The following LCORL variants were observed in gnomAD, a reference collection of about 807,000 sequenced individuals.
LCORL encodes the protein ligand dependent nuclear receptor corepressor like, also known as ligand-dependent nuclear receptor corepressor-like protein.
In LCORL, 41 loss-of-function variants were observed where a neutral mutation model predicts 141.8. The observed-to-expected ratio is 0.29, with a 90% CI of 0.23 to 0.38. The LOEUF (loss-of-function observed/expected upper bound fraction) is 0.38. Among genes scored for constraint, LCORL ranks in the 10% least tolerant of loss-of-function variants. The pLI is 1.00. For missense variants in LCORL, 1,759 were observed against 2,035.0 expected (o/e 0.86, Z 2.61); for synonymous variants, 618 against 694.1 (o/e 0.89, Z 1.72).
intron 4 of LCORL, among the ~76,000 whole-genome samples, chr4:17,910,849 A>G (rs1443859523): frequency 6.6e-6 from 1 of 152,224 alleles, no homozygotes; most frequent in Non-Finnish European, 1.5e-5. Context: ...TTCAAAACAA[A>G]TAATTTTGAA....
chr4:17,925,742 G>A (rs1448529506), intron 4 of LCORL, among the ~76,000 whole-genome samples: 5 of 151,810 alleles, frequency 3.3e-5, no homozygotes, highest in African/African-American at 7.3e-5. Flanking sequence ...GTGGTGGCAC[G>A]CACCTGTAAT....
At position 18,018,563 on chromosome 4, in the gene LCORL, T is replaced by C. The variant is rs1005483830; in HGVS notation, c.154+3035A>G. ...TAAATATCTCATTCCATATTAAGAG[T>C]TAAACGTTTACCTTTGTGGCTAACT... On this transcript the variant is annotated intron_variant, in intron 1 of 7. Coordinates refer to ENST00000635767, the Ensembl canonical transcript of LCORL. Among the ~76,000 whole-genome samples, 22 of 152,162 alleles carry C rather than the reference T, an allele frequency of 1.4e-4. 1 individual carries two copies. Among genetic ancestry groups the C allele is most frequent in the African/African-American group, 4.6e-4 (19 of 41,552 alleles).
chr4:17,992,478 T>G (rs368264019), intron 1 of LCORL, among the ~76,000 whole-genome samples: 244 of 152,326 alleles, frequency 1.6e-3, no homozygotes, highest in African/African-American at 5.6e-3. Flanking sequence ...GGCTACAAAT[T>G]TAATGCTGTG....
exon 7 of LCORL, chr4:17,877,352 A>T (rs1004388052): frequency 1.3e-5 from 16 of 1,230,358 alleles, no homozygotes; most frequent in African/African-American, 1.6e-5. Context: ...GGCTTGTCAT[A>T]TCCGTGGTTT....
chr4:17,993,397 G>A (rs1720365834), intron 1 of LCORL, among the ~76,000 whole-genome samples: 1 of 151,900 alleles, frequency 6.6e-6, no homozygotes, highest in Non-Finnish European at 1.5e-5. Flanking sequence ...GTAGAAGCGG[G>A]TTTCATCATG....
chr4:17,929,333 G>T (rs922388469), intron 4 of LCORL, among the ~76,000 whole-genome samples: 2 of 152,024 alleles, frequency 1.3e-5, no homozygotes, highest in Non-Finnish European at 2.9e-5. Context: ...AAATAATCTC[G>T]AAAGAGAACA....
At chr4:17,991,842 T>C (rs1052601160) in intron 1 of LCORL, among the ~76,000 whole-genome samples, 2 of 152,060 alleles carry the variant, frequency 1.3e-5, no homozygotes, top group Admixed American at 6.6e-5. Flanking sequence ...GCTAATACCA[T>C]ATCTGAAGCC....
At position 18,021,012 on chromosome 4, in the gene LCORL, G is replaced by T. The variant is rs1261642249; in HGVS notation, c.154+586C>A. ...GTTGGGCGCCCCCCGCCCCTCGGAC[G>T]ACGCCCCCGCCGCCCCTCGCCCCCA... On this transcript the variant is annotated intron_variant, in intron 1 of 7. Transcript: ENST00000635767. This position sits in a 1 kb window ranked among gnomAD's most constrained non-coding sequence, Gnocchi z 5.5. 2.0e-5 allele frequency among the ~76,000 whole-genome samples: 3 copies of T among 152,022 alleles called. No individual in the cohort carries two copies. Among genetic ancestry groups the T allele is most frequent in the Non-Finnish European group, 4.4e-5 (3 of 67,950 alleles).
chr4:18,005,846 C>T (rs1722714738), intron 1 of LCORL, among the ~76,000 whole-genome samples: 1 of 152,198 alleles, frequency 6.6e-6, no homozygotes, highest in East Asian at 1.9e-4. Flanking sequence ...TCCTCCTAGG[C>T]CTCTGGGCCT....
chr4:18,021,160 GC>G lies in LCORL; in HGVS notation c.154+437del, dbSNP rs1725497251. Among the ~76,000 whole-genome samples the G allele has an allele frequency of 6.6e-6, 1 of 152,002 alleles. No homozygotes were observed. The highest frequency in any genetic ancestry group is 2.1e-4 in the South Asian group (1 of 4,836). ...CGACAAGGGGGTGTGTGTGCGCTCG[GC>G]GGGGGCGCGGACCAGCCCGCCTTCC... On this transcript the variant is annotated intron_variant, in intron 1 of 7. Coordinates refer to ENST00000635767, the Ensembl canonical transcript of LCORL. This position sits in a 1 kb window ranked among gnomAD's most constrained non-coding sequence, Gnocchi z 5.5.
At chr4:17,969,586 C>T (rs115222995) in intron 2 of LCORL, among the ~76,000 whole-genome samples, 546 of 151,898 alleles carry the variant, frequency 3.6e-3, no homozygotes, top group African/African-American at 0.012. Flanking sequence ...GTATATAATA[C>T]GCATTTAATT....
At chr4:17,902,610 C>T (rs1421851855) in intron 5 of LCORL, among the ~76,000 whole-genome samples, 6 of 152,068 alleles carry the variant, frequency 3.9e-5, no homozygotes, top group Non-Finnish European at 7.4e-5. Context: ...TAAAACTATA[C>T]GTGACTCTCT....
At chr4:17,854,117 T>C (rs1033049773) in intron 7 of LCORL, among the ~76,000 whole-genome samples, 4 of 152,196 alleles carry the variant, frequency 2.6e-5, no homozygotes, top group South Asian at 2.1e-4. Context: ...AGGATGTTGG[T>C]AAGCTGGGGC....
intron 7 of LCORL, among the ~76,000 whole-genome samples, chr4:17,857,247 G>T (rs1724461381): frequency 6.6e-6 from 1 of 151,938 alleles, no homozygotes; most frequent in African/African-American, 2.4e-5. Context: ...GTGGGTTAGA[G>T]TATAGGAGAG....
chr4:17,988,255 C>G (rs192662017), intron 1 of LCORL, among the ~76,000 whole-genome samples: 2 of 152,176 alleles, frequency 1.3e-5, no homozygotes, highest in East Asian at 3.9e-4. Flanking sequence ...TGTAAATTGC[C>G]CAGTCTCGGG....
At chr4:17,962,834 T>C in intron 3 of LCORL, 136 bp downstream of exon 3, 1 of 428,796 alleles carries the variant, frequency 2.3e-6, no homozygotes, top group Middle Eastern at 6.3e-4. Flanking sequence ...CTTTAAAATA[T>C]TATTTTCGTT....
chr4:17,926,000 A>G (rs991713890), intron 4 of LCORL, among the ~76,000 whole-genome samples: 5 of 151,898 alleles, frequency 3.3e-5, no homozygotes, highest in African/African-American at 4.8e-5. Flanking sequence ...CTGACCTAAT[A>G]TCGGCATTGA....
chr4:17,897,213 C>CTTTTTT (rs761784734), intron 5 of LCORL, among the ~76,000 whole-genome samples: 2 of 63,986 alleles, frequency 3.1e-5, no homozygotes, highest in African/African-American at 1.2e-4. Flanking sequence ...ATACTGATTT[C>CTTTTTT]TTTTTTTTTT....
chr4:17,905,134 G>C (rs1245432321), intron 5 of LCORL, among the ~76,000 whole-genome samples: 3 of 152,004 alleles, frequency 2.0e-5, no homozygotes, highest in Admixed American at 2.0e-4. Flanking sequence ...TTTTCTGATT[G>C]GGTGGCTGAG....
Sources: gnomAD v4.1 joint callset for allele counts (sites outside exome capture counted in the v4.1 genomes callset) on GRCh38, gnomAD v4.1.1 for gene constraint, Gnocchi (gnomAD v3.1) non-coding constraint, MANE v1.5 for transcripts, NCBI Gene and HGNC (gene_info 2026-07-23, HGNC 2026-07-21) for gene names.